CIZ1: variants seen among roughly 807,000 people sequenced by gnomAD.
The protein encoded by CIZ1 is CDKN1A interacting zinc finger protein 1.
CIZ1 carries 58 observed loss-of-function variants against 118.6 expected under a neutral mutation model. The observed-to-expected ratio is 0.49, with a 90% CI of 0.40 to 0.61. CIZ1 has a LOEUF of 0.61. CIZ1 is among the 20% of genes least tolerant of loss of function. The pLI, the probability that CIZ1 is intolerant of heterozygous loss-of-function variation, is 0.00. For missense variants in CIZ1, 921 were observed against 1,115.9 expected, an observed-to-expected ratio of 0.83 and a Z score of 2.49; for synonymous variants, 448 against 443.4, an observed-to-expected ratio of 1.01 and a Z score of -0.13.
Position 128,178,472 on chromosome 9 carries a change from G to A in CIZ1, c.1517C>T (p.Pro506Leu), listed in dbSNP as rs1448593704. 1 of 1,614,092 alleles carries A rather than the reference G, an allele frequency of 6.2e-7. No individual in the cohort carries two copies. The highest frequency in any genetic ancestry group is 1.3e-5 in the African/African-American group (1 of 74,948). The change falls in exon 9 of 17, where the codon CCA (proline) becomes CTA (leucine). Residue 506 changes from proline to leucine, a missense_variant. Pro to Leu is a moderately conservative substitution (Grantham distance 98). Transcript: ENST00000372938. ...EAGGGMEKTLPEPVGTQVSME... is the reference protein window; with the variant it reads ...EAGGGMEKTLLEPVGTQVSME... ...GCTGACTTGGGTGCCCACAGGCTCTGGCAAGGTCTTTTCCATGCCTGAAAT... is the reference window on the plus strand; with the variant it reads ...GCTGACTTGGGTGCCCACAGGCTCTAGCAAGGTCTTTTCCATGCCTGAAAT...
chr9:128,183,416 G>A lies in CIZ1; in HGVS notation c.588+2131C>T, dbSNP rs559490389. Among the ~76,000 whole-genome samples, 8 of 152,330 alleles carry A rather than the reference G, an allele frequency of 5.3e-5. No individual in the cohort carries two copies. In the South Asian group the frequency reaches 6.2e-4, roughly 12 times the overall value. ...AGACCAGATCTGTGATGACAGGCCC[G>A]TTGGAAGGCTGGAGGCGGGGCCCCT... On this transcript the variant is annotated intron_variant, in intron 5 of 16. Coordinates refer to ENST00000372938, the MANE Select transcript of CIZ1 (RefSeq NM_001131016.2).
chr9:128,202,015 G>C (rs948536779), intron 1 of CIZ1, among the ~76,000 whole-genome samples: 2 of 152,098 alleles, frequency 1.3e-5, no homozygotes, highest in Admixed American at 1.3e-4. Flanking sequence ...CATCTAACAG[G>C]GCCATCGTTA....
At chr9:128,173,769 G>A (rs1354978462) in intron 11 of CIZ1, among the ~76,000 whole-genome samples, 4 of 152,018 alleles carry the variant, frequency 2.6e-5, no homozygotes, top group African/African-American at 4.8e-5. Context: ...CACTTTGGGA[G>A]GCCAAGGCGG....
In CIZ1 at chr9:128,168,087, C is replaced by T. The variant is rs192100638; in HGVS notation, c.2296-923G>A. Among the ~76,000 whole-genome samples, 211 of 152,354 alleles carry T rather than the reference C, an allele frequency of 1.4e-3. 1 individual carries two copies. The highest frequency in any genetic ancestry group is 4.6e-3 in the Admixed American group (71 of 15,304). ...TGGCTGCCAGAGGCTATGAGCAGCC[C>T]CAGCTGGCCCCTCACCACCCTGGAC... On this transcript the variant is annotated intron_variant, in intron 14 of 16. Coordinates refer to ENST00000372938, the MANE Select transcript of CIZ1 (RefSeq NM_001131016.2).
intron 5 of CIZ1, 88 bp downstream of exon 5, chr9:128,185,459 G>A (rs1019025292): frequency 1.5e-5 from 12 of 819,706 alleles, no homozygotes; most frequent in African/African-American, 8.8e-5. Context: ...TGACCTGTCC[G>A]AAGGCCCAGA....
At position 128,166,076 on chromosome 9, in the gene CIZ1, A is replaced by C; in HGVS notation, c.*121T>G. On this transcript the variant is annotated 3_prime_UTR_variant, in exon 17 of 17. Transcript: ENST00000372938. This position sits in a 1 kb window ranked among gnomAD's most constrained non-coding sequence, Gnocchi z 4.4. ...GTACTGGTGGGAACTGCACAGCCAAACTACCTTGTTTTATTGGATTTTGAG... is the reference window on the plus strand; with the variant it reads ...GTACTGGTGGGAACTGCACAGCCAACCTACCTTGTTTTATTGGATTTTGAG... 1.3e-6 allele frequency: 1 copy of C among 755,568 alleles called. No homozygotes were observed. Among genetic ancestry groups the C allele is most frequent in the Non-Finnish European group, 2.0e-6 (1 of 505,422 alleles). The allele number at this position is 755,568 out of a possible 1,614,324, so 46.8% of individuals were successfully genotyped here.
At chr9:128,196,565 G>T (rs1833381921), upstream of CIZ1, among the ~76,000 whole-genome samples, 1 of 149,262 alleles carries the variant, frequency 6.7e-6, no homozygotes, top group Admixed American at 6.7e-5. Context: ...AAAAAAGAAA[G>T]AAAGAAAGAG....
In CIZ1 at chr9:128,190,755, A is replaced by ACTG. The variant is rs749557233; in HGVS notation, c.100_102dup (p.Gln34dup). The ACTG allele has an allele frequency of 1.8e-5, 28 of 1,541,780 alleles. No individual in the cohort carries two copies. Among genetic ancestry groups the ACTG allele is most frequent in the African/African-American group, 2.7e-5 (2 of 73,016 alleles). ...TGGAGCAGCTGCTGGAGCTGCAGTA[A>ACTG]CTGCTGCTGCTGCAATTGCTGCTGC... On this transcript the variant is annotated inframe_insertion, in exon 2 of 17. Transcript: ENST00000372938.
intron 10 of CIZ1, among the ~76,000 whole-genome samples, chr9:128,176,780 G>C (rs1485939765): frequency 6.6e-6 from 1 of 152,190 alleles, no homozygotes; most frequent in African/African-American, 2.4e-5. Flanking sequence ...CAGCACAAGA[G>C]TAGTAATACA....
At chr9:128,185,849 G>GC (rs750319481) in intron 4 of CIZ1, 73 bp from the exon 5 acceptor site, 8 of 1,001,400 alleles carry the variant, frequency 8.0e-6, no homozygotes, top group African/African-American at 3.2e-5. Context: ...AGGCATCAGT[G>GC]CCCCAGAGCA....
chr9:128,191,795 C>G (rs1232596906), upstream of CIZ1: 6 of 1,438,582 alleles, frequency 4.2e-6, no homozygotes, highest in East Asian at 1.4e-4. This position sits in a 1 kb window ranked among gnomAD's most constrained non-coding sequence, Gnocchi z 5.5. Context: ...GTCTGCCGCC[C>G]GGAAGGGTCA....
At chr9:128,171,288 G>T (rs1830085993) in intron 11 of CIZ1, among the ~76,000 whole-genome samples, 1 of 151,618 alleles carries the variant, frequency 6.6e-6, no homozygotes, top group Non-Finnish European at 1.5e-5. Context: ...AATTAGTCAG[G>T]CATGGTGGTG....
In CIZ1 at chr9:128,203,659, A is replaced by G. The variant is rs1748592519; in HGVS notation, c.-6+527T>C. The G allele has an allele frequency of 6.7e-7, 1 of 1,486,092 alleles. No individual in the cohort carries two copies. The highest frequency in any genetic ancestry group is 8.9e-7 in the Non-Finnish European group (1 of 1,125,020). The allele number at this position is 1,486,092 out of a possible 1,614,324, so 92.1% of individuals were successfully genotyped here. ...AGGCGCGGCGCGCCCCCAGGCGCCG[A>G]CCCCCGACCCCCGGGATCCCTGGAG... On this transcript the variant is annotated intron_variant, in intron 1 of 17. Transcript: ENST00000372948. The surrounding 1 kb of genome is among the most constrained non-coding windows in gnomAD (Gnocchi z 5.3).
chr9:128,167,151 T>C lies in CIZ1; in HGVS notation c.2309A>G (p.Asp770Gly). 6.3e-7 allele frequency: 1 copy of C among 1,588,642 alleles called. No individual in the cohort carries two copies. Among genetic ancestry groups the C allele is most frequent in the Non-Finnish European group, 8.6e-7 (1 of 1,167,798 alleles). The change falls in exon 15 of 17, where the codon GAT (aspartate) becomes GGT (glycine). Residue 770 changes from aspartate (D) to glycine (G), a missense_variant. By Grantham distance (94) the Asp-to-Gly change is moderately conservative. Transcript: ENST00000372938. ...GCCCTTCCACTCCTCTCTGGATATA[T>C]CTCTGGACCTCACCTGAAAACATGC... is the stretch of plus-strand genomic sequence containing the variant. ...EELCKQVRSR[D>G]ISREEWKGSE... is the part of the protein sequence containing the mutation.
upstream of CIZ1, chr9:128,196,729 G>A (rs938525395): frequency 2.6e-5 from 4 of 152,032 alleles, no homozygotes; most frequent in African/African-American, 9.7e-5. Context: ...TCAGCCTCCT[G>A]AGTGGCTGGG....
chr9:128,194,889 C>G (rs1385489440), upstream of CIZ1, among the ~76,000 whole-genome samples: 1 of 152,218 alleles, frequency 6.6e-6, no homozygotes, highest in African/African-American at 2.4e-5. Flanking sequence ...ACGATCATAG[C>G]TCACTGCAGC....
intron 3 of CIZ1, among the ~76,000 whole-genome samples, 182 bp from the exon 4 acceptor site, chr9:128,188,116 G>GAA (rs1832666222): frequency 6.3e-5 from 1 of 15,940 alleles, no homozygotes; most frequent in Non-Finnish European, 2.3e-4. Context: ...AAAGAAAAAA[G>GAA]CAAAAAAAAA....
chr9:128,173,006 C>G (rs561833916), intron 11 of CIZ1, among the ~76,000 whole-genome samples: 1 of 152,234 alleles, frequency 6.6e-6, no homozygotes, highest in East Asian at 1.9e-4. Flanking sequence ...GCAGCTTGCT[C>G]CAGGCTGGAG....
chr9:128,173,429 G>A (rs983766908), intron 11 of CIZ1, among the ~76,000 whole-genome samples: 18 of 152,092 alleles, frequency 1.2e-4, no homozygotes, highest in Admixed American at 1.0e-3. Context: ...ACAGGCGTGA[G>A]CTACCGCGCC....
Sources: gnomAD v4.1 joint callset for allele counts (sites outside exome capture counted in the v4.1 genomes callset) on GRCh38, gnomAD v4.1.1 for gene constraint, Gnocchi (gnomAD v3.1) non-coding constraint, MANE v1.5 for transcripts, NCBI Gene and HGNC (gene_info 2026-07-23, HGNC 2026-07-21) for gene names.